NUP205: variants seen among roughly 807,000 people sequenced by gnomAD.
NUP205 encodes nucleoporin 205, also known as nuclear pore complex protein Nup205.
Under a neutral mutation model 253.8 loss-of-function variants are expected in NUP205, and 76 were observed. That is an observed-to-expected ratio of 0.30 (90% CI 0.25 to 0.36). The LOEUF (loss-of-function observed/expected upper bound fraction) is 0.36, where lower values mean the gene tolerates loss of function less well. NUP205 is among the 10% of genes least tolerant of loss of function. The pLI is 1.00. For missense variants in NUP205, 2,162 were observed against 2,425.5 expected (o/e 0.89, Z 2.28); for synonymous variants, 832 against 850.1 (o/e 0.98, Z 0.37).
At chr7:135,639,853 A>C (rs578027179) in intron 38 of NUP205, among the ~76,000 whole-genome samples, 1 of 152,366 alleles carries the variant, frequency 6.6e-6, no homozygotes, top group South Asian at 2.1e-4. Context: ...GGTGGCACAT[A>C]TACACCATGG....
Position 135,616,417 on chromosome 7 carries a change from G to A in NUP205, c.3461-238G>A, listed in dbSNP as rs563954210. On this transcript the variant is annotated intron_variant, in intron 24 of 42. Transcript: ENST00000285968. ...CATGATTGGGTCTTGCCATTTTTGA[G>A]AATCTGATTATTCTCTTTACAATTG... is the stretch of plus-strand genomic sequence containing the variant. Among the ~76,000 whole-genome samples, 3 of 152,170 alleles carry A rather than the reference G, an allele frequency of 2.0e-5. No homozygotes were observed. The East Asian group carries it at 5.8e-4, about 29-fold the overall frequency.
intron 1 of NUP205, among the ~76,000 whole-genome samples, chr7:135,570,877 G>A (rs1308406512): frequency 2.7e-5 from 3 of 111,120 alleles, no homozygotes; most frequent in Admixed American, 1.2e-4. Flanking sequence ...TAAAATATAT[G>A]TAATATATTA....
chr7:135,646,134 A>G lies in NUP205; in HGVS notation c.5813-24A>G, dbSNP rs907182684. Reference sequence around the variant, plus strand: ...GTAGATAGGTACTTGCACAGCCGGTATGACTCTGTTTTTTTATCTCTAGAT... The same window carrying G: ...GTAGATAGGTACTTGCACAGCCGGTGTGACTCTGTTTTTTTATCTCTAGAT... On this transcript the variant is annotated intron_variant, in intron 41 of 42. Transcript: ENST00000285968. 5.2e-6 allele frequency: 8 copies of G among 1,546,400 alleles called. No homozygotes were observed. In the African/African-American group the frequency reaches 5.4e-5, roughly 11 times the overall value.
At chr7:135,618,343 C>T in intron 27 of NUP205, 69 bp from the exon 28 acceptor site, 2 of 1,303,674 alleles carry the variant, frequency 1.5e-6, no homozygotes, top group Non-Finnish European at 2.2e-6. Flanking sequence ...TAAATATTTT[C>T]TGAGTAACTG....
At position 135,571,133 on chromosome 7, in the gene NUP205, C is replaced by T. The variant is rs908581728; in HGVS notation, c.57C>T (p.Asp19=). 1.9e-6 allele frequency: 3 copies of T among 1,549,928 alleles called. No individual in the cohort carries two copies. Among genetic ancestry groups the T allele is most frequent in the East Asian group, 5.1e-5 (2 of 39,300 alleles). Residue 19 remains aspartate (D), a synonymous_variant, in exon 2 of 43, where the codon GAC becomes GAT. Coordinates refer to ENST00000285968, the MANE Select transcript of NUP205 (RefSeq NM_015135.3). ...SAASLWGPYK[D]IWHKVGNALW... ...CTAGTCTATGGGGTCCTTACAAAGA[C>T]ATTTGGCATAAAGTGGGAAATGCTC...
In NUP205 at chr7:135,622,832, A is replaced by T; in HGVS notation, c.4386A>T (p.Leu1462Phe). ...LTAPEDVFSK[L>F]QRENIAIIES... ...CCCCTGAAGATGTATTTAGCAAATTACAGCGAGAAAACATAGCCATTATTG... is the reference window on the plus strand; with the variant it reads ...CCCCTGAAGATGTATTTAGCAAATTTCAGCGAGAAAACATAGCCATTATTG... Residue 1462 changes from leucine (L) to phenylalanine (F), a missense_variant, in exon 31 of 43, where the codon TTA becomes TTT. Leu to Phe is a conservative substitution (Grantham distance 22). Transcript: ENST00000285968. 1.2e-6 allele frequency: 2 copies of T among 1,614,188 alleles called. No homozygotes were observed. The highest frequency in any genetic ancestry group is 1.7e-6 in the Non-Finnish European group (2 of 1,180,016).
At chr7:135,615,296 C>T (rs1055254221) in intron 23 of NUP205, among the ~76,000 whole-genome samples, 5 of 152,194 alleles carry the variant, frequency 3.3e-5, no homozygotes, top group South Asian at 2.1e-4. Flanking sequence ...CACAGTGGCT[C>T]GCGCCTATAA....
chr7:135,594,270 G>C (rs960849909), intron 12 of NUP205, among the ~76,000 whole-genome samples: 22 of 152,018 alleles, frequency 1.4e-4, no homozygotes, highest in African/African-American at 3.9e-4. Flanking sequence ...TCCAACCCTT[G>C]CGGACCATTT....
chr7:135,560,587 A>G (rs1805556396), intron 1 of NUP205, among the ~76,000 whole-genome samples: 1 of 152,232 alleles, frequency 6.6e-6, no homozygotes, highest in African/African-American at 2.4e-5. Context: ...TGCATAATAC[A>G]TATACATGCA....
intron 6 of NUP205, among the ~76,000 whole-genome samples, chr7:135,578,472 T>C (rs1288009060): frequency 6.6e-6 from 1 of 152,196 alleles, no homozygotes; most frequent in African/African-American, 2.4e-5. Context: ...GCAGAAAAAA[T>C]GAGTGTCTAA....
chr7:135,614,324 T>G (rs371989995), intron 23 of NUP205, 51 bp downstream of exon 23: 2 of 970,482 alleles, frequency 2.1e-6, no homozygotes, highest in Non-Finnish European at 3.3e-6. Flanking sequence ...AATTCCATGT[T>G]AAGTGATTTT....
At chr7:135,621,355 C>T (rs1450067437) in intron 30 of NUP205, among the ~76,000 whole-genome samples, 1 of 142,198 alleles carries the variant, frequency 7.0e-6, no homozygotes, top group Non-Finnish European at 1.5e-5. Context: ...GGGATTTCTC[C>T]ACTCAGCACC....
At chr7:135,619,962 C>T (rs922387173) in intron 30 of NUP205, 74 bp downstream of exon 30, 6 of 996,422 alleles carry the variant, frequency 6.0e-6, no homozygotes, top group East Asian at 2.4e-5. Context: ...AAAATCACTT[C>T]TCCATCTTTT....
intron 14 of NUP205, 189 bp downstream of exon 14, chr7:135,597,607 T>G (rs1393071227): frequency 4.2e-6 from 2 of 478,394 alleles, no homozygotes; most frequent in African/African-American, 3.9e-5. Flanking sequence ...TATTTTGTGT[T>G]TCAGAGTTGG....
In NUP205 at chr7:135,557,922, G is replaced by T. The variant is rs766647066; in HGVS notation, c.-23G>T. The T allele has an allele frequency of 6.2e-7, 1 of 1,612,650 alleles. No homozygotes were observed. The highest frequency in any genetic ancestry group is 1.1e-5 in the South Asian group (1 of 91,050). On this transcript the variant is annotated 5_prime_UTR_variant, in exon 1 of 43. Transcript: ENST00000285968. ...TCCCGGGGCCTCCATGCGGCAGAAG[G>T]GCTCTGTTAGTGCGCCTCTAAGATG... is the stretch of plus-strand genomic sequence containing the variant.
chr7:135,633,183 C>T (rs762603583), intron 35 of NUP205, among the ~76,000 whole-genome samples: 15 of 151,928 alleles, frequency 9.9e-5, no homozygotes, highest in South Asian at 4.2e-4. Flanking sequence ...CAGGTGTTCT[C>T]GAACTCCTGG....
chr7:135,573,995 CAG>C (rs1175760284), intron 3 of NUP205, among the ~76,000 whole-genome samples, 170 bp downstream of exon 3: 3 of 151,644 alleles, frequency 2.0e-5, no homozygotes, highest in Non-Finnish European at 4.4e-5. Context: ...TTTTTTGAGA[CAG>C]AGTCTCGCTC....
chr7:135,620,756 C>T (rs1444658278), intron 30 of NUP205, among the ~76,000 whole-genome samples: 1 of 152,098 alleles, frequency 6.6e-6, no homozygotes, highest in African/African-American at 2.4e-5. Context: ...ATGACCTTCT[C>T]CAGTATAAAC....
intron 38 of NUP205, among the ~76,000 whole-genome samples, chr7:135,639,101 T>G (rs1481681650): frequency 6.6e-6 from 1 of 152,218 alleles, no homozygotes; most frequent in Non-Finnish European, 1.5e-5. Flanking sequence ...TAGATACTAA[T>G]TAGGCCAACT....
Sources: gnomAD v4.1 joint callset for allele counts (sites outside exome capture counted in the v4.1 genomes callset) on GRCh38, gnomAD v4.1.1 for gene constraint, MANE v1.5 for transcripts, NCBI Gene and HGNC (gene_info 2026-07-23, HGNC 2026-07-21) for gene names.